Variants in ZNF385D observed in about 807,000 individuals in gnomAD.
ZNF385D encodes zinc finger protein 659.
Under a neutral mutation model 35.8 loss-of-function variants are expected in ZNF385D, and 15 were observed. The ratio of observed to expected loss-of-function variants is 0.42; its 90% CI spans 0.28 to 0.64. ZNF385D has a LOEUF of 0.64. Among genes scored for constraint, ZNF385D ranks in the 30% least tolerant of loss-of-function variants. The probability of loss-of-function intolerance (pLI) is 0.23; values close to 1 mark genes in which losing one functional copy is unlikely to be tolerated. For synonymous variants in ZNF385D, 212 were observed against 186.8 expected (o/e 1.13, Z -1.10); for missense variants, 474 against 494.6 (o/e 0.96, Z 0.39).
intron 3 of ZNF385D, among the ~76,000 whole-genome samples, chr3:22,024,901 T>C (rs1332073509): frequency 1.3e-5 from 2 of 152,170 alleles, no homozygotes; most frequent in East Asian, 3.9e-4. Flanking sequence ...TAAGATTCCC[T>C]GAGTGAGAGT....
intron 3 of ZNF385D, among the ~76,000 whole-genome samples, chr3:22,145,660 G>A (rs1704802318): frequency 6.6e-6 from 1 of 152,188 alleles, no homozygotes; most frequent in Non-Finnish European, 1.5e-5. Flanking sequence ...TAGCTTAACT[G>A]GGATGGGGAT....
chr3:21,476,121 A>G (rs2125360376), intron 4 of ZNF385D, among the ~76,000 whole-genome samples: 1 of 152,286 alleles, frequency 6.6e-6, no homozygotes, highest in African/African-American at 2.4e-5. Context: ...CTTTTAAACA[A>G]TTGAAACTTG....
At chr3:21,842,212 C>T (rs1695725882) in intron 3 of ZNF385D, among the ~76,000 whole-genome samples, 1 of 151,944 alleles carries the variant, frequency 6.6e-6, no homozygotes, top group African/African-American at 2.4e-5. Flanking sequence ...GGATTCTGCT[C>T]TGCTCTGCTC....
intron 2 of ZNF385D, among the ~76,000 whole-genome samples, chr3:21,566,391 C>T (rs1284752077): frequency 6.6e-6 from 1 of 152,078 alleles, no homozygotes; most frequent in Non-Finnish European, 1.5e-5. Context: ...TTGGGAAGGC[C>T]GAGGTGGGTG....
chr3:22,025,599 T>G (rs1697489392), intron 3 of ZNF385D, among the ~76,000 whole-genome samples: 1 of 152,168 alleles, frequency 6.6e-6, no homozygotes, highest in African/African-American at 2.4e-5. Context: ...TCAGGGAGTT[T>G]AAAAAGGTTC....
Position 21,982,773 on chromosome 3 carries a change from A to T in ZNF385D, c.325+186044T>A, listed in dbSNP as rs537511161. 4.6e-3 allele frequency among the ~76,000 whole-genome samples: 690 copies of T among 151,588 alleles called. 3 individuals are homozygous for T. Among genetic ancestry groups the T allele is most frequent in the African/African-American group, 0.016 (641 of 41,224 alleles). On this transcript the variant is annotated intron_variant, in intron 3 of 5. Transcript: ENST00000494108. ...GGTATGTTTCTACTATACCTAGTTT[A>T]TTTAGAGTTGTTAACATGAAGGGCT...
intron 4 of ZNF385D, among the ~76,000 whole-genome samples, chr3:21,452,702 A>C (rs1702534079): frequency 6.6e-6 from 1 of 151,996 alleles, no homozygotes; most frequent in Non-Finnish European, 1.5e-5. Flanking sequence ...GTTGGAAAAA[A>C]ATAGAATACC....
At chr3:21,434,259 G>C (rs1701442973) in intron 5 of ZNF385D, among the ~76,000 whole-genome samples, 1 of 151,934 alleles carries the variant, frequency 6.6e-6, no homozygotes, top group South Asian at 2.1e-4. Context: ...CCCTCTTTCT[G>C]TTACCCACTC....
intron 4 of ZNF385D, among the ~76,000 whole-genome samples, chr3:21,462,549 G>A (rs537710678): frequency 1.8e-4 from 27 of 152,156 alleles, no homozygotes; most frequent in Non-Finnish European, 2.5e-4. Context: ...AGAAGTAATA[G>A]CAACTTTAAG....
rs890290152 is a variant in ZNF385D at position 21,419,275 on chromosome 3, A to G, written c.*1939T>C. 2.7e-5 allele frequency: 4 copies of G among 150,598 alleles called. No individual in the cohort carries two copies. The highest frequency in any genetic ancestry group is 9.8e-5 in the African/African-American group (4 of 40,652). The allele number at this position is 150,598 out of a possible 1,614,324, so 9.3% of individuals were successfully genotyped here. On this transcript the variant is annotated 3_prime_UTR_variant, in exon 8 of 8. Transcript: ENST00000281523. ...TGTTTTTGTTTTGGTTGGTTAACAA[A>G]GGATATATAAAGCCAACTGCTTTAA...
chr3:21,529,765 T>TAAG lies in ZNF385D; in HGVS notation c.277-18745_277-18743dup, dbSNP rs2061880242. 3.9e-5 allele frequency among the ~76,000 whole-genome samples: 6 copies of TAAG among 152,334 alleles called. No homozygotes were observed. In the South Asian group the frequency reaches 1.2e-3, roughly 32 times the overall value. On this transcript the variant is annotated intron_variant, in intron 3 of 7. Coordinates refer to ENST00000281523, the MANE Select transcript of ZNF385D (RefSeq NM_024697.3). ...TATTCTAGGTAAAACGGAATGAAAC[T>TAAG]AAGTTTGTATTTACTGGTCCTGAGT...
chr3:21,938,130 T>G (rs757491828), intron 3 of ZNF385D, among the ~76,000 whole-genome samples: 1 of 152,230 alleles, frequency 6.6e-6, no homozygotes, highest in African/African-American at 2.4e-5. Flanking sequence ...TCATTTTTGA[T>G]GTAATTTTAT....
intron 3 of ZNF385D, among the ~76,000 whole-genome samples, chr3:22,136,019 G>A (rs778051255): frequency 2.6e-5 from 4 of 152,110 alleles, no homozygotes; most frequent in Non-Finnish European, 5.9e-5. Flanking sequence ...AAATTAGTAA[G>A]AGAAAAAAGA....
At chr3:22,268,445 G>A (rs1229404292) in intron 2 of ZNF385D, among the ~76,000 whole-genome samples, 2 of 151,938 alleles carry the variant, frequency 1.3e-5, no homozygotes, top group Admixed American at 6.6e-5. Context: ...TAAAAAAGAG[G>A]ATAGTAAATA....
At chr3:21,716,920 G>C (rs536404350) in intron 1 of ZNF385D, among the ~76,000 whole-genome samples, 1 of 151,910 alleles carries the variant, frequency 6.6e-6, no homozygotes, top group Non-Finnish European at 1.5e-5. Context: ...TCAAGAGATC[G>C]AGACCATCCT....
chr3:21,747,522 A>T (rs2125544420), intron 1 of ZNF385D, among the ~76,000 whole-genome samples: 1 of 152,272 alleles, frequency 6.6e-6, no homozygotes, highest in South Asian at 2.1e-4. Context: ...CTGGCCAACC[A>T]TGGGGAATCT....
intron 2 of ZNF385D, among the ~76,000 whole-genome samples, chr3:22,228,272 G>A (rs1698680077): frequency 1.3e-5 from 2 of 152,142 alleles, no homozygotes; most frequent in African/African-American, 4.8e-5. Context: ...CCTGGGAGGT[G>A]GCAGAGCCAA....
intron 2 of ZNF385D, among the ~76,000 whole-genome samples, chr3:21,652,155 A>C (rs985267905): frequency 6.6e-6 from 1 of 152,252 alleles, no homozygotes; most frequent in Non-Finnish European, 1.5e-5. Context: ...TTTCAGGAGT[A>C]GGTTGCCAAT....
chr3:22,268,559 A>T (rs1209702856), intron 2 of ZNF385D, among the ~76,000 whole-genome samples: 1 of 152,054 alleles, frequency 6.6e-6, no homozygotes, highest in Non-Finnish European at 1.5e-5. Flanking sequence ...GTAAGGGGCA[A>T]TATGCATGCA....
Sources: gnomAD v4.1 joint callset for allele counts (sites outside exome capture counted in the v4.1 genomes callset) on GRCh38, gnomAD v4.1.1 for gene constraint, MANE v1.5 for transcripts, NCBI Gene and HGNC (gene_info 2026-07-23, HGNC 2026-07-21) for gene names.